BABAM2: variants seen among roughly 807,000 people sequenced by gnomAD.
BABAM2 encodes BRISC and BRCA1-A complex member 2.
Under a neutral mutation model 54.7 loss-of-function variants are expected in BABAM2, and 31 were observed. The ratio of observed to expected loss-of-function variants is 0.57; its 90% CI spans 0.43 to 0.77. The LOEUF (loss-of-function observed/expected upper bound fraction) is 0.77, where lower values mean the gene tolerates loss of function less well. Among genes scored for constraint, BABAM2 ranks in the 30% least tolerant of loss-of-function variants. BABAM2 has a pLI of 0.00. For synonymous variants in BABAM2, 167 were observed against 162.9 expected, an observed-to-expected ratio of 1.03 and a Z score of -0.19; for missense variants, 364 against 455.8, an observed-to-expected ratio of 0.80 and a Z score of 1.83.
At chr2:28,224,531 T>C (rs1680696859) in intron 7 of BABAM2, among the ~76,000 whole-genome samples, 1 of 152,204 alleles carries the variant, frequency 6.6e-6, no homozygotes, top group South Asian at 2.1e-4. Context: ...GGATGCTTCG[T>C]ACTTCAGTTT....
rs138459317 is a variant in BABAM2 at position 28,205,395 on chromosome 2, C to A, written c.681-31807C>A. Among the ~76,000 whole-genome samples the A allele has an allele frequency of 2.0e-5, 3 of 151,298 alleles. No homozygotes were observed. In the Admixed American group the frequency reaches 2.0e-4, roughly 10 times the overall value. On this transcript the variant is annotated intron_variant, in intron 7 of 11. Coordinates refer to ENST00000379624, the MANE Select transcript of BABAM2 (RefSeq NM_199191.3). ...GCACGTGCCTGTGGTCCTAGCTACT[C>A]GGGAGGCTGAGGCAGAAGGATCACT...
chr2:28,335,297 G>T (rs1367198669), intron 11 of BABAM2, among the ~76,000 whole-genome samples: 1 of 151,536 alleles, frequency 6.6e-6, no homozygotes, highest in Non-Finnish European at 1.5e-5. Flanking sequence ...AGCTTCCCAA[G>T]TAGCTGGGAC....
At chr2:28,003,473 T>C (rs1673721344) in intron 4 of BABAM2, among the ~76,000 whole-genome samples, 1 of 152,110 alleles carries the variant, frequency 6.6e-6, no homozygotes, top group African/African-American at 2.4e-5. Flanking sequence ...CACCTGTAAT[T>C]GCACTACTTG....
At chr2:28,285,583 T>G (rs989667230) in intron 10 of BABAM2, among the ~76,000 whole-genome samples, 3 of 152,214 alleles carry the variant, frequency 2.0e-5, no homozygotes, top group Non-Finnish European at 2.9e-5. Context: ...CATGTAATCC[T>G]TCTGCCAGAT....
chr2:28,242,017 C>T (rs1403155225), intron 9 of BABAM2, among the ~76,000 whole-genome samples: 2 of 152,118 alleles, frequency 1.3e-5, no homozygotes, highest in Admixed American at 1.3e-4. Flanking sequence ...TAGCACTTTT[C>T]ACCTCCATGC....
At chr2:27,980,648 C>T (rs1047835937) in intron 3 of BABAM2, among the ~76,000 whole-genome samples, 4 of 151,980 alleles carry the variant, frequency 2.6e-5, no homozygotes, top group African/African-American at 9.7e-5. Context: ...TTTTAAGTTA[C>T]TTCTTTGTTT....
chr2:28,015,178 C>A (rs538352768), intron 4 of BABAM2, among the ~76,000 whole-genome samples: 66 of 152,248 alleles, frequency 4.3e-4, no homozygotes, highest in Non-Finnish European at 7.3e-4. Flanking sequence ...TGAAGCATGG[C>A]TGCTGTGTCC....
chr2:27,976,559 C>T (rs893899637), intron 3 of BABAM2, among the ~76,000 whole-genome samples: 1 of 151,906 alleles, frequency 6.6e-6, no homozygotes, highest in African/African-American at 2.4e-5. Flanking sequence ...AAGGAATGGT[C>T]GGAATATTTA....
At chr2:28,172,143 C>T (rs921486112) in intron 7 of BABAM2, among the ~76,000 whole-genome samples, 3 of 151,410 alleles carry the variant, frequency 2.0e-5, no homozygotes, top group Non-Finnish European at 4.4e-5. Context: ...AGCATACTAT[C>T]CTTAATAGAA....
At chr2:28,186,621 CAGAG>C (rs1239412469) in intron 7 of BABAM2, among the ~76,000 whole-genome samples, 1 of 149,088 alleles carries the variant, frequency 6.7e-6, no homozygotes, top group East Asian at 2.0e-4. Flanking sequence ...CAGAGAGAGA[CAGAG>C]AGAGGGGAGA....
At chr2:28,213,500 T>C (rs920992699) in intron 7 of BABAM2, among the ~76,000 whole-genome samples, 3 of 152,100 alleles carry the variant, frequency 2.0e-5, no homozygotes, top group Admixed American at 6.6e-5. Context: ...GAATGCTGTA[T>C]TATATTGAGA....
rs557539665 is a variant in BABAM2, at chr2:28,215,763, C to T, written c.681-21439C>T. On this transcript the variant is annotated intron_variant, in intron 7 of 11. Transcript: ENST00000379624. ...GTCATAGGTGAACCAGTTTCTGCCC[C>T]TCTGCTTCTTTCTGCTCTCATGGGA... Among the ~76,000 whole-genome samples the T allele has an allele frequency of 2.2e-4, 34 of 152,264 alleles. 1 individual carries two copies. The South Asian group carries it at 6.9e-3, about 31-fold the overall frequency.
chr2:28,335,434 T>C (rs1691364168), intron 11 of BABAM2, among the ~76,000 whole-genome samples: 1 of 152,212 alleles, frequency 6.6e-6, no homozygotes, highest in African/African-American at 2.4e-5. Flanking sequence ...CCTCCAAAAG[T>C]GCTGGGATTA....
intron 6 of BABAM2, among the ~76,000 whole-genome samples, chr2:28,107,228 T>A (rs1444676179): frequency 1.3e-5 from 2 of 152,114 alleles, no homozygotes; most frequent in African/African-American, 4.8e-5. Flanking sequence ...CTTCCTCTCC[T>A]CTGGACCACT....
chr2:28,299,458 A>G (rs80057290), intron 11 of BABAM2, among the ~76,000 whole-genome samples: 16,968 of 152,194 alleles, frequency 0.11, 1,038 homozygotes, highest in Middle Eastern at 0.19. Flanking sequence ...GCATGTGGTT[A>G]TAACTTTATC....
At chr2:28,126,273 C>T (rs1199614622) in intron 6 of BABAM2, among the ~76,000 whole-genome samples, 3 of 146,860 alleles carry the variant, frequency 2.0e-5, no homozygotes. Flanking sequence ...ACGTATATCT[C>T]CTAATGCTAT....
intron 5 of BABAM2, 131 bp downstream of exon 5, chr2:28,025,551 AT>A: frequency 1.1e-6 from 1 of 903,558 alleles, no homozygotes; most frequent in Non-Finnish European, 1.6e-6. Flanking sequence ...GTTTCTCATA[AT>A]TTAGAGTTTA....
At chr2:27,986,423 T>C (rs1347665793) in intron 3 of BABAM2, among the ~76,000 whole-genome samples, 2 of 152,072 alleles carry the variant, frequency 1.3e-5, no homozygotes, top group Non-Finnish European at 2.9e-5. Flanking sequence ...ATTCGGTGGA[T>C]GAGTGAATGT....
At chr2:27,914,760 T>C (rs1001979305) in intron 2 of BABAM2, among the ~76,000 whole-genome samples, 3 of 152,172 alleles carry the variant, frequency 2.0e-5, no homozygotes, top group African/African-American at 7.2e-5. Flanking sequence ...GCTTAACAAT[T>C]TTGTTTTCAA....
Sources: gnomAD v4.1 joint callset for allele counts (sites outside exome capture counted in the v4.1 genomes callset) on GRCh38, gnomAD v4.1.1 for gene constraint, MANE v1.5 for transcripts, NCBI Gene and HGNC (gene_info 2026-07-23, HGNC 2026-07-21) for gene names.